Variants in ARHGEF10L observed in about 807,000 individuals in gnomAD.
ARHGEF10L encodes the protein Rho guanine nucleotide exchange factor 10 like.
In ARHGEF10L, 69 loss-of-function variants were observed where a neutral mutation model predicts 141.2. The ratio of observed to expected loss-of-function variants is 0.49; its 90% CI spans 0.40 to 0.60. The LOEUF is 0.60. Among genes scored for constraint, ARHGEF10L ranks in the 20% least tolerant of loss-of-function variants. ARHGEF10L has a pLI of 0.00. For missense variants in ARHGEF10L, 1,482 were observed against 1,734.3 expected (o/e 0.85, Z 2.58); for synonymous variants, 711 against 718.5 (o/e 0.99, Z 0.17).
chr1:17,556,888 G>A (rs1044370967), intron 1 of ARHGEF10L, among the ~76,000 whole-genome samples: 3 of 152,172 alleles, frequency 2.0e-5, no homozygotes, highest in African/African-American at 4.8e-5. Context: ...TGGGCACAGC[G>A]GCACTTGCCT....
At chr1:17,622,031 G>A in intron 11 of ARHGEF10L, 90 bp downstream of exon 11, 1 of 1,427,056 alleles carries the variant, frequency 7.0e-7, no homozygotes, top group Non-Finnish European at 9.8e-7. Flanking sequence ...GGGGACTGTG[G>A]GCAGTTTTAA....
intron 15 of ARHGEF10L, among the ~76,000 whole-genome samples, chr1:17,628,635 G>A (rs1319433608): frequency 6.6e-6 from 1 of 152,162 alleles, no homozygotes; most frequent in East Asian, 1.9e-4. Flanking sequence ...GAGGTCATAG[G>A]GAGAGGTTCA....
At position 17,697,094 on chromosome 1, in the gene ARHGEF10L, G is replaced by A; in HGVS notation, c.3554G>A (p.Gly1185Asp). Residue 1185 changes from glycine to aspartate, a missense_variant, in exon 29 of 29, where the codon GGC (glycine) becomes GAC (aspartate). Transcript: ENST00000361221. The surrounding 1 kb of genome is among the most constrained non-coding windows in gnomAD (Gnocchi z 4.8). The part of the protein sequence containing the change: ...YRLRSTAHLP[G>D]PLLSMREPAP... ...CTGCGCTCCACCGCACACCTCCCGGGCCCGCTGCTCTCCATGCGGGAGCCG... is the reference window on the plus strand; with the variant it reads ...CTGCGCTCCACCGCACACCTCCCGGACCCGCTGCTCTCCATGCGGGAGCCG... The A allele has an allele frequency of 6.2e-7, 1 of 1,607,882 alleles. No individual in the cohort carries two copies. The highest frequency in any genetic ancestry group is 8.5e-7 in the Non-Finnish European group (1 of 1,176,830).
chr1:17,605,282 A>C lies in ARHGEF10L; in HGVS notation c.433+1691A>C, dbSNP rs182445802. ...TGGCTTCTTCACATAAAGCAGGAAA[A>C]TCCCCAGCTCACAGGCCTTTGGGGA... On this transcript the variant is annotated intron_variant, in intron 6 of 28. Coordinates refer to ENST00000361221, the MANE Select transcript of ARHGEF10L (RefSeq NM_018125.4). 1.1e-4 allele frequency among the ~76,000 whole-genome samples: 16 copies of C among 152,076 alleles called. No individual in the cohort carries two copies. The East Asian group carries it at 3.1e-3, about 29-fold the overall frequency.
chr1:17,659,254 G>T (rs375913344), intron 25 of ARHGEF10L, among the ~76,000 whole-genome samples: 2 of 152,146 alleles, frequency 1.3e-5, no homozygotes, highest in Non-Finnish European at 2.9e-5. Context: ...GTCCAGTTTG[G>T]CTGTGGCCAA....
rs544748333 is a variant in ARHGEF10L at position 17,672,962 on chromosome 1, A to T, written c.3009+8367A>T. ...CAGGCCTCCAGGCCCCTCTCTCCTCACCTGGAGGAGCTCAGATCTTTCCTG... is the reference window on the plus strand; with the variant it reads ...CAGGCCTCCAGGCCCCTCTCTCCTCTCCTGGAGGAGCTCAGATCTTTCCTG... On this transcript the variant is annotated intron_variant, in intron 26 of 28. Transcript: ENST00000361221. 3.9e-5 allele frequency among the ~76,000 whole-genome samples: 6 copies of T among 152,160 alleles called. No individual in the cohort carries two copies. The East Asian group carries it at 7.8e-4, about 20-fold the overall frequency.
intron 4 of ARHGEF10L, among the ~76,000 whole-genome samples, chr1:17,589,978 G>A (rs1242619910): frequency 2.0e-5 from 3 of 152,104 alleles, no homozygotes; most frequent in Non-Finnish European, 2.9e-5. Context: ...GAGGGGCAGG[G>A]GGAGTGCCTG....
At chr1:17,618,166 G>A (rs1463967053) in intron 9 of ARHGEF10L, 14 of 639,358 alleles carry the variant, frequency 2.2e-5, no homozygotes, top group South Asian at 1.1e-4. Flanking sequence ...GAGATGGTCC[G>A]AAGACAGGAT....
rs2060115843 is a variant in ARHGEF10L at position 17,621,676 on chromosome 1, G to A, written c.943-188G>A. 6.6e-6 allele frequency among the ~76,000 whole-genome samples: 1 copy of A among 152,206 alleles called. No individual in the cohort carries two copies. Among genetic ancestry groups the A allele is most frequent in the African/African-American group, 2.4e-5 (1 of 41,452 alleles). ...CCTTCCTCCTCCATTCTGTAGCCAG[G>A]CAGCAGGGCATTTATTTAGGGTTGG... On this transcript the variant is annotated intron_variant, in intron 10 of 28. Coordinates refer to ENST00000361221, the MANE Select transcript of ARHGEF10L (RefSeq NM_018125.4). The surrounding 1 kb of genome is among the most constrained non-coding windows in gnomAD (Gnocchi z 4.1).
At chr1:17,583,567 A>C (rs1474240487) in intron 2 of ARHGEF10L, among the ~76,000 whole-genome samples, 2 of 152,128 alleles carry the variant, frequency 1.3e-5, no homozygotes, top group Non-Finnish European at 1.5e-5. Context: ...AGAGATCAGG[A>C]AACTAGGAGG....
rs1448252187 is a variant in ARHGEF10L at position 17,554,612 on chromosome 1, G to A, written c.-44+14662G>A. Among the ~76,000 whole-genome samples, 4 of 141,792 alleles carry A rather than the reference G, an allele frequency of 2.8e-5. No individual in the cohort carries two copies. In the Admixed American group the frequency reaches 2.9e-4, roughly 10 times the overall value. 93.0% of individuals were successfully genotyped at this position (141,792 alleles called of 152,430 possible). On this transcript the variant is annotated intron_variant, in intron 1 of 28. Transcript: ENST00000361221. ...TTTTTTTTTTTTTTTTTTTGACAGG[G>A]TCTTGCTCTGTCGCCCAGGCTGGAA...
At chr1:17,519,178 A>G in the ARHGEF10L span, among the ~76,000 whole-genome samples, 1 of 152,134 alleles carries the variant, frequency 6.6e-6, no homozygotes, top group African/African-American at 2.4e-5. Context: ...TCTGTCTAAA[A>G]AAAAAAAGGC....
At chr1:17,551,541 T>C (rs2077112472) in intron 1 of ARHGEF10L, among the ~76,000 whole-genome samples, 1 of 152,110 alleles carries the variant, frequency 6.6e-6, no homozygotes, top group African/African-American at 2.4e-5. Context: ...CTTTATCTTG[T>C]GGGCCCTGCG....
chr1:17,635,042 C>A, intron 18 of ARHGEF10L, 26 bp downstream of exon 18: 17 of 1,612,708 alleles, frequency 1.1e-5, no homozygotes, highest in Non-Finnish European at 1.4e-5. Flanking sequence ...CTGTGCCCTG[C>A]GTTCGTCACC....
At chr1:17,640,822 C>G (rs2061287905) in intron 21 of ARHGEF10L, among the ~76,000 whole-genome samples, 1 of 152,208 alleles carries the variant, frequency 6.6e-6, no homozygotes, top group South Asian at 2.1e-4. Flanking sequence ...GACCTCGTTA[C>G]TATGTTTTTC....
intron 25 of ARHGEF10L, among the ~76,000 whole-genome samples, chr1:17,657,063 T>A (rs1344416669): frequency 6.6e-6 from 1 of 152,158 alleles, no homozygotes; most frequent in East Asian, 1.9e-4. Context: ...TGCCTGGGAC[T>A]CTTCATGAGA....
rs116325792 is a variant in ARHGEF10L at position 17,607,192 on chromosome 1, C to T, written c.434-610C>T. Among the ~76,000 whole-genome samples the T allele has an allele frequency of 0.023, 3,500 of 152,128 alleles. 143 individuals are homozygous for T. The highest frequency in any genetic ancestry group is 0.08 in the African/African-American group (3,333 of 41,492). ...AAGAAACAGGCCACGTGTGGTGGCTCGGCTGGGTGTGGTGGCTCACGCCTG... is the reference window on the plus strand; with the variant it reads ...AAGAAACAGGCCACGTGTGGTGGCTTGGCTGGGTGTGGTGGCTCACGCCTG... On this transcript the variant is annotated intron_variant, in intron 6 of 28. Transcript: ENST00000361221. This position sits in a 1 kb window ranked among gnomAD's most constrained non-coding sequence, Gnocchi z 4.5.
rs376652146 is a variant in ARHGEF10L at position 17,621,915 on chromosome 1, G to T, written c.994G>T (p.Val332Leu). 21 of 1,614,174 alleles carry T rather than the reference G, an allele frequency of 1.3e-5. No homozygotes were observed. The East Asian group carries it at 4.2e-4, about 33-fold the overall frequency. ...GSIVQSEGSY[V>L]ESLKRILQDY... ...CATCGTGCAGAGCGAAGGCAGCTACGTGGAGTCTCTGAAGCGGATACTCCA... is the reference window on the plus strand; with the variant it reads ...CATCGTGCAGAGCGAAGGCAGCTACTTGGAGTCTCTGAAGCGGATACTCCA... The change falls in exon 11 of 29, where the codon GTG becomes TTG. Residue 332 changes from valine to leucine, a missense_variant. Val to Leu is a conservative substitution (Grantham distance 32). Transcript: ENST00000361221. The surrounding 1 kb of genome is among the most constrained non-coding windows in gnomAD (Gnocchi z 4.1).
At chr1:17,517,780 C>T in the ARHGEF10L span, among the ~76,000 whole-genome samples, 1 of 152,216 alleles carries the variant, frequency 6.6e-6, no homozygotes, top group Non-Finnish European at 1.5e-5. Context: ...CCTGCCTCAG[C>T]CTCCTGAGTA....
Sources: gnomAD v4.1 joint callset for allele counts (sites outside exome capture counted in the v4.1 genomes callset) on GRCh38, gnomAD v4.1.1 for gene constraint, Gnocchi (gnomAD v3.1) non-coding constraint, MANE v1.5 for transcripts, NCBI Gene and HGNC (gene_info 2026-07-23, HGNC 2026-07-21) for gene names.